Variants in CDC20 observed in about 807,000 individuals in gnomAD.
CDC20 encodes cell division cycle 20.
A neutral mutation model predicts 60.0 loss-of-function variants in CDC20; 34 were observed. The observed-to-expected ratio is 0.57, with a 90% CI of 0.43 to 0.75. The LOEUF (loss-of-function observed/expected upper bound fraction) is 0.75, where lower values mean the gene tolerates loss of function less well. Among genes scored for constraint, CDC20 ranks in the 30% least tolerant of loss-of-function variants. CDC20 has a pLI of 0.00. For synonymous variants in CDC20, 198 were observed against 243.5 expected, an observed-to-expected ratio of 0.81 and a Z score of 1.74; for missense variants, 469 against 647.3, an observed-to-expected ratio of 0.72 and a Z score of 2.99.
Position 43,359,956 on chromosome 1 carries a change from T to C in CDC20, c.428-13T>C. On this transcript the variant is annotated splice_polypyrimidine_tract_variant and intron_variant, in intron 4 of 10. Transcript: ENST00000310955. ...TGATTTTCCCAGCGTCTAGACTCAC[T>C]CCGTTGCCACAGGTTATCAGAACAG... The C allele has an allele frequency of 6.2e-7, 1 of 1,614,058 alleles. No homozygotes were observed. The highest frequency in any genetic ancestry group is 8.5e-7 in the Non-Finnish European group (1 of 1,180,000).
At position 43,360,488 on chromosome 1, in the gene CDC20, T is replaced by C; in HGVS notation, c.754-11T>C. The C allele has an allele frequency of 6.2e-7, 1 of 1,611,930 alleles. No individual in the cohort carries two copies. On this transcript the variant is annotated splice_polypyrimidine_tract_variant and intron_variant, in intron 6 of 10. Coordinates refer to ENST00000310955, the MANE Select transcript of CDC20 (RefSeq NM_001255.3). Reference sequence around the variant, plus strand: ...TCCCAATCTCTGATCCTAGTGGGCTTCTCTCTCTAGCTATGGGATGTGCAG... The same window carrying C: ...TCCCAATCTCTGATCCTAGTGGGCTCCTCTCTCTAGCTATGGGATGTGCAG...
At position 43,361,139 on chromosome 1, in the gene CDC20, G is replaced by A; in HGVS notation, c.1097G>A (p.Trp366Ter). The change falls in exon 9 of 11, where the codon TGG (tryptophan) becomes TAG (stop). Residue 366 changes from tryptophan to a stop codon, truncating the protein, a stop_gained. Transcript: ENST00000310955. LOFTEE classifies it high-confidence loss of function. ...GAVKAVAWCP[W>*]QSNVLATGGG... ...ATCTAGGCCGTAGCATGGTGTCCCT[G>A]GCAGTCCAATGTCCTGGCAACAGGA... 6.2e-7 allele frequency: 1 copy of A among 1,614,054 alleles called. No homozygotes were observed. Among genetic ancestry groups the A allele is most frequent in the Non-Finnish European group, 8.5e-7 (1 of 1,180,000 alleles).
intron 9 of CDC20, 35 bp downstream of exon 9, chr1:43,361,280 C>A (rs545114920): frequency 1.3e-6 from 2 of 1,530,462 alleles, no homozygotes; most frequent in South Asian, 2.5e-5. Context: ...CTCCCACATG[C>A]ATTCTTACCG....
chr1:43,359,201 C>A lies in CDC20; in HGVS notation c.-15C>A, dbSNP rs779031369. The A allele has an allele frequency of 3.7e-6, 6 of 1,611,532 alleles. No individual in the cohort carries two copies. Among genetic ancestry groups the A allele is most frequent in the Non-Finnish European group, 5.1e-6 (6 of 1,179,886 alleles). ...GGCACCAACTGCAAGGACCCCTCCC[C>A]CTGCGGGCGCTCCCATGGCACAGTT... On this transcript the variant is annotated 5_prime_UTR_variant, in exon 2 of 11. Coordinates refer to ENST00000310955, the MANE Select transcript of CDC20 (RefSeq NM_001255.3).
intron 10 of CDC20, 116 bp downstream of exon 10, chr1:43,362,428 G>T: frequency 3.2e-6 from 2 of 617,158 alleles, no homozygotes; most frequent in Non-Finnish European, 6.0e-6. Context: ...GCTGAGAGAG[G>T]GTAATGGGAA....
chr1:43,362,115 T>G (rs1570483337), intron 9 of CDC20, 80 bp from the exon 10 acceptor site: 4 of 780,578 alleles, frequency 5.1e-6, no homozygotes, highest in Non-Finnish European at 2.2e-6. Context: ...TGTGGCAGGG[T>G]GCCTAACACT....
At position 43,360,099 on chromosome 1, in the gene CDC20, TA is replaced by T; in HGVS notation, c.556+4del. 6.2e-7 allele frequency: 1 copy of T among 1,614,244 alleles called. No individual in the cohort carries two copies. Among genetic ancestry groups the T allele is most frequent in the Non-Finnish European group, 8.5e-7 (1 of 1,180,050 alleles). The stretch of plus-strand genomic sequence containing the variant: ...CGCCTGAAATCCGAAATGACTATTG[TA>T]AGTGCATCCTTATCCTCGCCTCATG... On this transcript the variant is annotated splice_donor_region_variant and intron_variant, in intron 5 of 10. Transcript: ENST00000310955.
chr1:43,359,521 T>C lies in CDC20; in HGVS notation c.213T>C (p.Pro71=), dbSNP rs1405458310. ...GKSSSKVQTT[P]SKPGGDRYIP... is the part of the protein sequence containing the mutation. Reference sequence around the variant, plus strand: ...CCAGTTCCAAGGTTCAGACCACTCCTAGCAAACCTGGCGGTGACCGCTATA... The same window carrying C: ...CCAGTTCCAAGGTTCAGACCACTCCCAGCAAACCTGGCGGTGACCGCTATA... Residue 71 remains proline (P), a synonymous_variant, in exon 3 of 11, where the codon CCT becomes CCC. Transcript: ENST00000310955. 6.2e-7 allele frequency: 1 copy of C among 1,614,184 alleles called. No individual in the cohort carries two copies. The highest frequency in any genetic ancestry group is 1.1e-5 in the South Asian group (1 of 91,080).
chr1:43,362,105 T>C, intron 9 of CDC20, 90 bp from the exon 10 acceptor site: 3 of 729,046 alleles, frequency 4.1e-6, no homozygotes, highest in South Asian at 1.7e-5. Context: ...GTCTGGAGCA[T>C]GTGGCAGGGT....
At position 43,362,949 on chromosome 1, in the gene CDC20, A is replaced by G. The variant is rs1254465342; in HGVS notation, c.1322-2A>G. 5.0e-6 allele frequency: 8 copies of G among 1,587,718 alleles called. No homozygotes were observed. The highest frequency in any genetic ancestry group is 6.8e-6 in the Non-Finnish European group (8 of 1,171,024). On this transcript the variant is annotated splice_acceptor_variant, in intron 10 of 10. Transcript: ENST00000310955. LOFTEE classifies it high-confidence loss of function. ...CGTATGTACTGTTCTCATTTGCTCC[A>G]GGTCACACATCCCGGGTCCTGAGTC...
chr1:43,360,536 T>C lies in CDC20; in HGVS notation c.791T>C (p.Met264Thr). The C allele has an allele frequency of 1.2e-6, 2 of 1,614,208 alleles. No homozygotes were observed. The highest frequency in any genetic ancestry group is 1.7e-6 in the Non-Finnish European group (2 of 1,180,014). ...CAGCAGCAGAAACGGCTTCGAAATA[T>C]GACCAGTCACTCTGCCCGAGTGGGC... ...DVQQQKRLRN[M>T]TSHSARVGSL... Residue 264 changes from methionine (M) to threonine (T), a missense_variant, in exon 7 of 11, where the codon ATG becomes ACG. Transcript: ENST00000310955.
chr1:43,362,025 T>G (rs1044034588), intron 9 of CDC20, among the ~76,000 whole-genome samples, 170 bp from the exon 10 acceptor site: 2 of 152,232 alleles, frequency 1.3e-5, no homozygotes, highest in African/African-American at 4.8e-5. Flanking sequence ...TAAAAAATGG[T>G]TACATCAGCG....
In CDC20 at chr1:43,363,036, A is replaced by G. The variant is rs753984335; in HGVS notation, c.1407A>G (p.Leu469=). 8.7e-6 allele frequency: 14 copies of G among 1,613,576 alleles called. No individual in the cohort carries two copies. The highest frequency in any genetic ancestry group is 1.7e-5 in the Admixed American group (1 of 59,880). ...ASAAADETLR[L]WRCFELDPAR... ...CAGCAGCAGATGAGACCCTGAGGCT[A>G]TGGCGCTGTTTTGAGTTGGACCCTG... The change falls in exon 11 of 11, where the codon CTA becomes CTG. Residue 469 remains leucine (L), a synonymous_variant. Transcript: ENST00000310955.
chr1:43,359,595 G>A lies in CDC20; in HGVS notation c.287G>A (p.Ser96Asn), dbSNP rs945897493. 18 of 1,613,896 alleles carry A rather than the reference G, an allele frequency of 1.1e-5. No individual in the cohort carries two copies. Among genetic ancestry groups the A allele is most frequent in the Non-Finnish European group, 1.5e-5 (18 of 1,180,054 alleles). ...ATGGAGGTGGCCAGCTTCCTCCTGA[G>A]CAAGGAGAACCAGCCTGAAAACAGC... The part of the protein sequence containing the change: ...AQMEVASFLL[S>N]KENQPENSQT... The change falls in exon 3 of 11, where the codon AGC becomes AAC. Residue 96 changes from serine (S) to asparagine (N), a missense_variant. Ser to Asn is a conservative substitution (Grantham distance 46). Around this residue, in one of 5 missense-constraint regions of CDC20, gnomAD observed 115 missense variants for 156.1 expected, o/e 0.74. Transcript: ENST00000310955.
chr1:43,359,123 GGT>G, intron 1 of CDC20, 42 bp from the exon 2 acceptor site: 1 of 1,331,280 alleles, frequency 7.5e-7, no homozygotes, highest in East Asian at 2.3e-5. Flanking sequence ...GGAGCGAAGG[GGT>G]CCCTTTCTGT....
intron 10 of CDC20, 77 bp from the exon 11 acceptor site, chr1:43,362,874 G>A: frequency 9.0e-7 from 1 of 1,106,570 alleles, no homozygotes; most frequent in African/African-American, 1.6e-5. Context: ...AAACAAAAAG[G>A]TAGGTGGGTG....
intron 5 of CDC20, 23 bp from the exon 6 acceptor site, chr1:43,360,170 G>T: frequency 6.2e-7 from 1 of 1,613,928 alleles, no homozygotes; most frequent in Non-Finnish European, 8.5e-7. Context: ...GGAAGCTCAT[G>T]CTCTTCTCTC....
Position 43,360,190 on chromosome 1 carries a change from C to T in CDC20, c.557-3C>T, listed in dbSNP as rs1257036001. On this transcript the variant is annotated splice_region_variant and splice_polypyrimidine_tract_variant and intron_variant, in intron 5 of 10. Transcript: ENST00000310955. ...CTCATGCTCTTCTCTCCACCTCTGA[C>T]AGACCTGAACCTTGTGGATTGGAGT... is the stretch of plus-strand genomic sequence containing the variant. 6.2e-7 allele frequency: 1 copy of T among 1,614,042 alleles called. No homozygotes were observed. The highest frequency in any genetic ancestry group is 1.1e-5 in the South Asian group (1 of 91,080).
intron 9 of CDC20, among the ~76,000 whole-genome samples, chr1:43,361,725 C>T (rs570098762): frequency 6.6e-6 from 1 of 152,344 alleles, no homozygotes; most frequent in South Asian, 2.1e-4. Context: ...GTCTGTTATA[C>T]TGTACTGTCC....
Sources: allele counts gnomAD v4.1 joint callset (sites outside exome capture counted in the v4.1 genomes callset), GRCh38; gene constraint gnomAD v4.1.1; regional missense constraint gnomAD v4.1.1; transcripts MANE v1.5; gene names NCBI Gene and HGNC (gene_info 2026-07-23, HGNC 2026-07-21).